Variants in PIGL observed in about 807,000 individuals in gnomAD.
PIGL encodes phosphatidylinositol glycan anchor biosynthesis class L.
Under a neutral mutation model 31.1 loss-of-function variants are expected in PIGL, and 22 were observed. The observed-to-expected ratio is 0.71, with a 90% CI of 0.51 to 1.01. PIGL has a LOEUF of 1.01. Among genes scored for constraint, PIGL ranks in the 50% least tolerant of loss-of-function variants. PIGL has a pLI of 0.00. For synonymous variants in PIGL, 131 were observed against 117.4 expected (o/e 1.12, Z -0.75); for missense variants, 302 against 315.9 (o/e 0.96, Z 0.33).
intron 2 of PIGL, chr17:16,281,929 A>G (rs1406725595): frequency 4.9e-6 from 2 of 404,910 alleles, no homozygotes; most frequent in Non-Finnish European, 1.1e-5. Flanking sequence ...GAGCAATGCA[A>G]CCTGTAAGAC....
intron 2 of PIGL, among the ~76,000 whole-genome samples, chr17:16,244,801 A>G (rs1055543488): frequency 6.6e-6 from 1 of 151,788 alleles, no homozygotes; most frequent in African/African-American, 2.4e-5. Context: ...CAGTCTCCCG[A>G]GTAGCTGGGA....
chr17:16,217,418 G>A lies in PIGL; in HGVS notation c.192G>A (p.Leu64=), dbSNP rs769186293. 6.2e-6 allele frequency: 10 copies of A among 1,614,066 alleles called. No homozygotes were observed. The highest frequency in any genetic ancestry group is 8.5e-6 in the Non-Finnish European group (10 of 1,180,032). The part of the protein sequence containing the change: ...AMFFAPTVLG[L]ARLRHWVYLL... ...TTTTTGCTCCCACAGTGCTAGGCTT[G>A]GCCCGCCTAAGGCACTGGGTGTACC... Residue 64 remains leucine (L), a synonymous_variant, in exon 1 of 7, where the codon TTG becomes TTA. Transcript: ENST00000225609.
At chr17:16,247,573 C>T in intron 2 of PIGL, among the ~76,000 whole-genome samples, 1 of 152,226 alleles carries the variant, frequency 6.6e-6, no homozygotes, top group East Asian at 1.9e-4. Context: ...GAACAATCCT[C>T]TTTGGGCGGA....
At chr17:16,306,590 G>A (rs935902104) in intron 3 of PIGL, among the ~76,000 whole-genome samples, 8 of 147,364 alleles carry the variant, frequency 5.4e-5, no homozygotes, top group South Asian at 2.2e-4. Flanking sequence ...GTGCAATGGC[G>A]CGATCTCAGC....
chr17:16,307,879 G>T (rs911534557), intron 3 of PIGL, among the ~76,000 whole-genome samples: 1 of 149,516 alleles, frequency 6.7e-6, no homozygotes, highest in African/African-American at 2.5e-5. Context: ...AGGAAGACAG[G>T]ATTTCAAGGA....
At chr17:16,288,622 C>A (rs886820174) in intron 2 of PIGL, among the ~76,000 whole-genome samples, 1 of 152,024 alleles carries the variant, frequency 6.6e-6, no homozygotes, top group Non-Finnish European at 1.5e-5. Context: ...TCACCGCAAC[C>A]TCTGCCTCCT....
rs545790982 is a variant in PIGL at position 16,255,001 on chromosome 17, T to C, written c.335+20931T>C. Among the ~76,000 whole-genome samples, 35 of 152,358 alleles carry C rather than the reference T, an allele frequency of 2.3e-4. 1 individual carries two copies. Among genetic ancestry groups the C allele is most frequent in the African/African-American group, 7.0e-4 (29 of 41,600 alleles). On this transcript the variant is annotated intron_variant, in intron 2 of 6. Coordinates refer to ENST00000225609, the MANE Select transcript of PIGL (RefSeq NM_004278.4). The stretch of plus-strand genomic sequence containing the variant: ...TTGTTTAGTAAAGGAATGATTCCAT[T>C]TGCACCATAAACTCTCTTCCTGTGA...
chr17:16,292,083 G>A (rs1216410415), intron 2 of PIGL, among the ~76,000 whole-genome samples: 1 of 136,332 alleles, frequency 7.3e-6, no homozygotes, highest in Non-Finnish European at 1.5e-5. Context: ...CACCCAGGCT[G>A]GAGTACAGTG....
chr17:16,308,776 AG>A (rs1465800797), intron 3 of PIGL, among the ~76,000 whole-genome samples: 3 of 146,532 alleles, frequency 2.0e-5, no homozygotes, highest in Non-Finnish European at 4.5e-5. Flanking sequence ...AATTTAAAAA[AG>A]CCACTGCATC....
chr17:16,218,493 C>T (rs1229956019), intron 1 of PIGL, among the ~76,000 whole-genome samples: 3 of 152,086 alleles, frequency 2.0e-5, no homozygotes, highest in African/African-American at 2.4e-5. Flanking sequence ...ATGGCTTCAT[C>T]GGGATAAACC....
chr17:16,223,912 T>C lies in PIGL; in HGVS notation c.235+6451T>C, dbSNP rs560930750. On this transcript the variant is annotated intron_variant, in intron 1 of 6. Transcript: ENST00000225609. ...ATCTCAACAACCCTGTCTTAATTAC[T>C]GTAGCTTATAAAAGCTACACTAGGC... 1.1e-3 allele frequency among the ~76,000 whole-genome samples: 169 copies of C among 152,218 alleles called. 1 individual carries two copies. Among genetic ancestry groups the C allele is most frequent in the Non-Finnish European group, 2.1e-3 (141 of 68,010 alleles).
intron 2 of PIGL, among the ~76,000 whole-genome samples, chr17:16,234,782 T>C (rs1366206322): frequency 6.6e-6 from 1 of 152,162 alleles, no homozygotes; most frequent in East Asian, 1.9e-4. Flanking sequence ...ATAATAATAA[T>C]AACTTCACAT....
intron 2 of PIGL, among the ~76,000 whole-genome samples, chr17:16,281,297 T>A (rs1048028574): frequency 6.6e-6 from 1 of 152,214 alleles, no homozygotes. Context: ...AATTTTGACA[T>A]GTTTTAGATG....
chr17:16,325,111 C>T lies in PIGL; in HGVS notation c.661-689C>T, dbSNP rs966279993. Among the ~76,000 whole-genome samples the T allele has an allele frequency of 3.3e-5, 5 of 151,816 alleles. No individual in the cohort carries two copies. In the South Asian group the frequency reaches 8.3e-4, roughly 25 times the overall value. On this transcript the variant is annotated intron_variant, in intron 6 of 6. Transcript: ENST00000225609. Reference sequence around the variant, plus strand: ...CTGTAATCCCAGCACTTTGGGAGGCCGAGGTGGGCAGATCACTAGGTCAGG... The same window carrying T: ...CTGTAATCCCAGCACTTTGGGAGGCTGAGGTGGGCAGATCACTAGGTCAGG...
intron 1 of PIGL, among the ~76,000 whole-genome samples, chr17:16,220,477 GTTATTTT>G (rs2092622328): frequency 1.4e-5 from 1 of 70,054 alleles, no homozygotes; most frequent in African/African-American, 5.0e-5. Flanking sequence ...TTTTTAAATT[GTTATTTT>G]TTTTTTTTTT....
In PIGL at chr17:16,270,958, G is replaced by A. The variant is rs150493649; in HGVS notation, c.336-28930G>A. Among the ~76,000 whole-genome samples, 647 of 151,816 alleles carry A rather than the reference G, an allele frequency of 4.3e-3. 7 individuals carry two copies. Among genetic ancestry groups the A allele is most frequent in the African/African-American group, 0.015 (603 of 41,400 alleles). ...CCTTGGACTCATTTCCAGTGTAAAG[G>A]TTATTAACCTTTTTGTAATTGGGAT... On this transcript the variant is annotated intron_variant, in intron 2 of 6. Transcript: ENST00000225609.
intron 2 of PIGL, among the ~76,000 whole-genome samples, chr17:16,264,684 G>A (rs904542788): frequency 6.6e-6 from 1 of 151,438 alleles, no homozygotes. Flanking sequence ...CCAGGCTGGA[G>A]TGCAGTGGCG....
chr17:16,317,401 C>T lies in PIGL; in HGVS notation c.527-374C>T, dbSNP rs546505554. On this transcript the variant is annotated intron_variant, in intron 5 of 6. Coordinates refer to ENST00000225609, the MANE Select transcript of PIGL (RefSeq NM_004278.4). ...ACTGAGACTGAGAGTGGTTAAGGGA[C>T]TTTGCCAAGTCTGTCAATTCTTGAC... 46 of 993,574 alleles carry T rather than the reference C, an allele frequency of 4.6e-5. 1 individual carries two copies. In the South Asian group the frequency reaches 1.8e-3, roughly 40 times the overall value. The allele number at this position is 993,574 out of a possible 1,614,324, so 61.5% of individuals were successfully genotyped here. A position where few individuals can be genotyped will look rare whatever the true frequency, so the allele number is the denominator to read the frequency against.
rs560386548 is a variant in PIGL, at chr17:16,325,554, T to C, written c.661-246T>C. Among the ~76,000 whole-genome samples, 3 of 152,174 alleles carry C rather than the reference T, an allele frequency of 2.0e-5. No individual in the cohort carries two copies. The East Asian group carries it at 5.8e-4, about 29-fold the overall frequency. ...GTTCTGCCAGTTTTCTGGTATCCCATGGTGAGTGCTGTAGCTACGGTGAGC... is the reference window on the plus strand; with the variant it reads ...GTTCTGCCAGTTTTCTGGTATCCCACGGTGAGTGCTGTAGCTACGGTGAGC... On this transcript the variant is annotated intron_variant, in intron 6 of 6. Coordinates refer to ENST00000225609, the MANE Select transcript of PIGL (RefSeq NM_004278.4).
Sources: gnomAD v4.1 joint callset for allele counts (sites outside exome capture counted in the v4.1 genomes callset) on GRCh38, gnomAD v4.1.1 for gene constraint, MANE v1.5 for transcripts, NCBI Gene and HGNC (gene_info 2026-07-23, HGNC 2026-07-21) for gene names.